The following GNAL variants were observed in gnomAD, a reference collection of about 807,000 sequenced individuals.
GNAL encodes the protein guanine nucleotide-binding protein G(olf) subunit alpha.
GNAL carries 18 observed loss-of-function variants against 55.1 expected under a neutral mutation model. That is an observed-to-expected ratio of 0.33 (90% confidence interval 0.23 to 0.48). The LOEUF (loss-of-function observed/expected upper bound fraction) is 0.48. Among genes scored for constraint, GNAL ranks in the 20% least tolerant of loss-of-function variants. The pLI is 0.99. For synonymous variants in GNAL, 253 were observed against 237.0 expected (o/e 1.07, Z -0.62); for missense variants, 412 against 614.1 (o/e 0.67, Z 3.48).
intron 4 of GNAL, among the ~76,000 whole-genome samples, chr18:11,791,064 G>A (rs1472268759): frequency 6.6e-6 from 1 of 152,172 alleles, no homozygotes; most frequent in Non-Finnish European, 1.5e-5. Context: ...GGAATGAGAG[G>A]TGACTAATTC....
chr18:11,819,445 T>G (rs1042516868), intron 4 of GNAL, among the ~76,000 whole-genome samples: 1 of 152,150 alleles, frequency 6.6e-6, no homozygotes, highest in African/African-American at 2.4e-5. Context: ...TTTAAAGCCT[T>G]GCTTTTAAAA....
At chr18:11,699,613 T>A (rs887709116) in intron 1 of GNAL, among the ~76,000 whole-genome samples, 1 of 152,016 alleles carries the variant, frequency 6.6e-6, no homozygotes, top group African/African-American at 2.4e-5. Context: ...AACAGAAAAT[T>A]ACCTTCTATC....
intron 1 of GNAL, among the ~76,000 whole-genome samples, chr18:11,705,409 G>A (rs2031684567): frequency 1.3e-5 from 2 of 152,216 alleles, no homozygotes; most frequent in Non-Finnish European, 2.9e-5. Context: ...AATTGCTGCA[G>A]CAAACGTAAG....
intron 4 of GNAL, among the ~76,000 whole-genome samples, chr18:11,770,665 A>G (rs1223526421): frequency 6.6e-6 from 1 of 152,154 alleles, no homozygotes; most frequent in Non-Finnish European, 1.5e-5. Context: ...ACCCTAAAGA[A>G]TACCTTTTAA....
At chr18:11,692,006 C>T (rs981242804) in intron 1 of GNAL, among the ~76,000 whole-genome samples, 29 of 152,176 alleles carry the variant, frequency 1.9e-4, no homozygotes, top group Admixed American at 1.5e-3. Flanking sequence ...ATGCACTCTA[C>T]CGTAGAATGA....
At chr18:11,745,981 GAA>G (rs1355848277) in intron 1 of GNAL, 2 of 271,812 alleles carry the variant, frequency 7.4e-6, no homozygotes, top group Non-Finnish European at 1.5e-5. Context: ...CTGCCAATAA[GAA>G]AGTGTTCTTG....
chr18:11,821,893 C>T (rs903383884), intron 4 of GNAL, among the ~76,000 whole-genome samples: 5 of 152,270 alleles, frequency 3.3e-5, no homozygotes, highest in African/African-American at 4.8e-5. Flanking sequence ...CGCACATCCG[C>T]CCTCTGGCGA....
intron 4 of GNAL, among the ~76,000 whole-genome samples, chr18:11,766,243 C>G (rs1399544213): frequency 6.6e-6 from 1 of 152,152 alleles, no homozygotes; most frequent in Non-Finnish European, 1.5e-5. Flanking sequence ...GAATGTCATC[C>G]ATGAAGGTGT....
Position 11,884,604 on chromosome 18 carries a change from G to GCC in GNAL, c.*3469_*3470insCC. The GCC allele has an allele frequency of 1.9e-6, 3 of 1,613,782 alleles. No individual in the cohort carries two copies. The highest frequency in any genetic ancestry group is 2.5e-6 in the Non-Finnish European group (3 of 1,179,984). On this transcript the variant is annotated 3_prime_UTR_variant, in exon 12 of 12. Coordinates refer to ENST00000334049, the MANE Select transcript of GNAL (RefSeq NM_182978.4). ...GTGGGAGGTAGCACTTGGAGAGGGT[G>GCC]TAGTCTGTGGGCGTGATGCTACCCT...
At chr18:11,698,231 G>A (rs1370247302) in intron 1 of GNAL, among the ~76,000 whole-genome samples, 1 of 152,108 alleles carries the variant, frequency 6.6e-6, no homozygotes, top group African/African-American at 2.4e-5. Flanking sequence ...GGTGGCTCAT[G>A]CCTGTAATTC....
At chr18:11,743,008 C>T (rs187123088) in intron 1 of GNAL, among the ~76,000 whole-genome samples, 68 of 152,354 alleles carry the variant, frequency 4.5e-4, no homozygotes, top group Non-Finnish European at 7.9e-4. Context: ...TGTTCAACTA[C>T]TTGAATCCTC....
At chr18:11,760,324 A>T (rs2033200319) in intron 4 of GNAL, among the ~76,000 whole-genome samples, 1 of 152,070 alleles carries the variant, frequency 6.6e-6, no homozygotes, top group African/African-American at 2.4e-5. Flanking sequence ...CCTAATTCAA[A>T]ATGGTACTGA....
At chr18:11,736,337 A>G (rs562250366) in intron 1 of GNAL, among the ~76,000 whole-genome samples, 4 of 152,330 alleles carry the variant, frequency 2.6e-5, no homozygotes, top group South Asian at 4.1e-4. Context: ...AGAGGCTGCA[A>G]TAAGCTATGA....
At chr18:11,788,256 A>C (rs1400760064) in intron 4 of GNAL, among the ~76,000 whole-genome samples, 2 of 152,146 alleles carry the variant, frequency 1.3e-5, no homozygotes, top group Non-Finnish European at 2.9e-5. Context: ...AGCCTTGAGG[A>C]ATCTATTTTA....
intron 4 of GNAL, among the ~76,000 whole-genome samples, chr18:11,766,777 C>CA (rs2033419325): frequency 6.6e-6 from 1 of 152,166 alleles, no homozygotes; most frequent in Non-Finnish European, 1.5e-5. Flanking sequence ...TTTTATTAGA[C>CA]AACCATGAAA....
At chr18:11,850,559 G>A (rs1028285788) in intron 5 of GNAL, among the ~76,000 whole-genome samples, 1 of 152,214 alleles carries the variant, frequency 6.6e-6, no homozygotes. Flanking sequence ...CATAGTGACA[G>A]TTTTGATGTA....
intron 1 of GNAL, among the ~76,000 whole-genome samples, chr18:11,733,700 A>G (rs112572675): frequency 2.8e-4 from 43 of 152,248 alleles, no homozygotes; most frequent in African/African-American, 9.9e-4. Flanking sequence ...TGAGAGTGAA[A>G]CAATGTGTGC....
At chr18:11,840,936 C>T (rs962195239) in intron 5 of GNAL, among the ~76,000 whole-genome samples, 3 of 149,140 alleles carry the variant, frequency 2.0e-5, no homozygotes, top group African/African-American at 5.0e-5. Flanking sequence ...GTCAGTGCTA[C>T]GATCACAGCT....
chr18:11,755,099 A>T (rs1179626205), intron 4 of GNAL, among the ~76,000 whole-genome samples: 2 of 151,782 alleles, frequency 1.3e-5, no homozygotes, highest in South Asian at 2.1e-4. Flanking sequence ...GACATTTTTC[A>T]TTCTTAGAAT....
Sources: allele counts gnomAD v4.1 joint callset (sites outside exome capture counted in the v4.1 genomes callset), GRCh38; gene constraint gnomAD v4.1.1; transcripts MANE v1.5; gene names NCBI Gene and HGNC (gene_info 2026-07-23, HGNC 2026-07-21).